The following SEMA3E variants were observed in gnomAD, a reference collection of about 807,000 sequenced individuals.
SEMA3E encodes semaphorin 3E, also known as semaphorin-3E.
A neutral mutation model predicts 93.6 loss-of-function variants in SEMA3E; 49 were observed. The ratio of observed to expected loss-of-function variants is 0.52; its 90% CI spans 0.42 to 0.66. The LOEUF (loss-of-function observed/expected upper bound fraction) is 0.66, where lower values mean the gene tolerates loss of function less well. SEMA3E is among the 30% of genes least tolerant of loss of function. The pLI is 0.00. For missense variants in SEMA3E, 906 were observed against 964.8 expected (o/e 0.94, Z 0.81); for synonymous variants, 363 against 330.7 (o/e 1.10, Z -1.06).
chr7:83,430,241 G>A (rs1050350427), intron 4 of SEMA3E, among the ~76,000 whole-genome samples: 3 of 152,212 alleles, frequency 2.0e-5, no homozygotes, highest in South Asian at 4.1e-4. Flanking sequence ...GAGGCGGGTG[G>A]ATCACTTGAG....
chr7:83,454,182 C>T lies in SEMA3E; in HGVS notation c.456+12300G>A, dbSNP rs1215331827. On this transcript the variant is annotated intron_variant, in intron 4 of 16. Transcript: ENST00000643230. ...CTGAGGCAGGAGAATTGCGTGAACC[C>T]GGGAGGCGGAGCTTGCAGTGAGCCG... is the stretch of plus-strand genomic sequence containing the variant. 1.1e-4 allele frequency among the ~76,000 whole-genome samples: 16 copies of T among 141,864 alleles called. No individual in the cohort carries two copies. In the East Asian group the frequency reaches 1.3e-3, roughly 12 times the overall value. 93.1% of individuals were successfully genotyped at this position (141,864 alleles called of 152,430 possible). A position where few individuals can be genotyped will look rare whatever the true frequency, so the allele number is the denominator to read the frequency against.
chr7:83,408,600 T>A, intron 5 of SEMA3E, 113 bp from the exon 6 acceptor site: 1 of 1,177,050 alleles, frequency 8.5e-7, no homozygotes. Context: ...ACATTAATAC[T>A]ATTGCTGTTA....
intron 1 of SEMA3E, among the ~76,000 whole-genome samples, chr7:83,591,790 C>A (rs907478416): frequency 6.6e-6 from 1 of 151,872 alleles, no homozygotes; most frequent in African/African-American, 2.4e-5. Flanking sequence ...ACTTCTTATG[C>A]CACTTGCCCT....
At chr7:83,593,270 C>CTT (rs1792792340) in intron 1 of SEMA3E, among the ~76,000 whole-genome samples, 4 of 107,476 alleles carry the variant, frequency 3.7e-5, no homozygotes, top group African/African-American at 1.8e-4. Flanking sequence ...GTCTCTCTCT[C>CTT]TCTCTCTCTC....
intron 1 of SEMA3E, among the ~76,000 whole-genome samples, chr7:83,625,023 T>G (rs28749868): frequency 0.018 from 2,677 of 152,296 alleles, 77 homozygotes; most frequent in African/African-American, 0.059. Context: ...TTGTCAAATA[T>G]CAGATGGTTG....
intron 14 of SEMA3E, among the ~76,000 whole-genome samples, chr7:83,391,085 T>G (rs1562759381): frequency 6.6e-6 from 1 of 152,136 alleles, no homozygotes; most frequent in Non-Finnish European, 1.5e-5. Context: ...ACCCTCATAT[T>G]CTTCTATTTC....
At chr7:83,380,507 C>T (rs911944916) in intron 16 of SEMA3E, among the ~76,000 whole-genome samples, 1 of 151,824 alleles carries the variant, frequency 6.6e-6, no homozygotes. Flanking sequence ...TATTGTTTTT[C>T]ATCTTGTAAC....
intron 8 of SEMA3E, 108 bp from the exon 9 acceptor site, chr7:83,405,627 G>A (rs1788314802): frequency 1.1e-6 from 1 of 916,672 alleles, no homozygotes; most frequent in South Asian, 1.4e-5. Flanking sequence ...ATTTTGAGAT[G>A]TGTATTTTCA....
intron 4 of SEMA3E, among the ~76,000 whole-genome samples, chr7:83,418,703 G>A (rs919498668): frequency 1.3e-5 from 2 of 152,098 alleles, no homozygotes; most frequent in African/African-American, 4.8e-5. Context: ...AAAGTATGCA[G>A]GTGATGAAAG....
intron 1 of SEMA3E, among the ~76,000 whole-genome samples, chr7:83,609,788 C>T (rs1196430602): frequency 6.6e-6 from 1 of 151,750 alleles, no homozygotes. Context: ...AAACAAATAT[C>T]CTAAGTTAAC....
intron 1 of SEMA3E, among the ~76,000 whole-genome samples, chr7:83,605,339 T>G (rs2888176): frequency 1.3e-5 from 2 of 151,938 alleles, no homozygotes; most frequent in African/African-American, 2.4e-5. Flanking sequence ...TGGCATGAGA[T>G]GGTATCTCGT....
chr7:83,397,503 A>G (rs577751846), intron 11 of SEMA3E, among the ~76,000 whole-genome samples: 1 of 152,256 alleles, frequency 6.6e-6, no homozygotes, highest in African/African-American at 2.4e-5. Context: ...GCAAGCACAC[A>G]CAGTTTTGGC....
chr7:83,463,207 G>A (rs1789668418), intron 4 of SEMA3E, among the ~76,000 whole-genome samples: 1 of 151,490 alleles, frequency 6.6e-6, no homozygotes, highest in Admixed American at 6.6e-5. Context: ...GGCATGGTTA[G>A]CGCGGTCAGA....
chr7:83,465,540 G>C (rs1334403599), intron 4 of SEMA3E, among the ~76,000 whole-genome samples: 1 of 152,186 alleles, frequency 6.6e-6, no homozygotes, highest in South Asian at 2.1e-4. Context: ...TAATATTTTA[G>C]TGGTGAAATG....
intron 6 of SEMA3E, among the ~76,000 whole-genome samples, chr7:83,407,914 C>T (rs905771446): frequency 6.6e-6 from 1 of 152,052 alleles, no homozygotes; most frequent in South Asian, 2.1e-4. Context: ...AAATATAAAA[C>T]TTACTTCTTA....
chr7:83,614,333 AT>A (rs1213898090), intron 1 of SEMA3E, among the ~76,000 whole-genome samples: 6 of 152,138 alleles, frequency 3.9e-5, no homozygotes, highest in African/African-American at 1.4e-4. Context: ...CCGTTCAAAT[AT>A]AACAGATGCT....
At chr7:83,616,723 CTTTCTTT>C in intron 1 of SEMA3E, 1 of 447,626 alleles carries the variant, frequency 2.2e-6, no homozygotes. Context: ...CTTCTTCTTT[CTTTCTTT>C]TTTTTTTTTT....
At chr7:83,375,011 G>A (rs547168835) in intron 16 of SEMA3E, among the ~76,000 whole-genome samples, 6 of 152,124 alleles carry the variant, frequency 3.9e-5, no homozygotes, top group South Asian at 4.2e-4. Flanking sequence ...TGATTAATGC[G>A]GTTTGACAAC....
chr7:83,549,516 T>C (rs1392322213), intron 1 of SEMA3E, among the ~76,000 whole-genome samples: 3 of 152,158 alleles, frequency 2.0e-5, no homozygotes, highest in Non-Finnish European at 4.4e-5. Context: ...ATCCCATTCG[T>C]ATCATTAAAA....
Sources: gnomAD v4.1 joint callset for allele counts (sites outside exome capture counted in the v4.1 genomes callset) on GRCh38, gnomAD v4.1.1 for gene constraint, MANE v1.5 for transcripts, NCBI Gene and HGNC (gene_info 2026-07-23, HGNC 2026-07-21) for gene names.